GSN: variants seen among roughly 807,000 people sequenced by gnomAD.
GSN encodes the protein actin-depolymerizing factor.
GSN carries 56 observed loss-of-function variants against 85.7 expected under a neutral mutation model. That is an observed-to-expected ratio of 0.65 (90% CI 0.53 to 0.82). The LOEUF is 0.82. GSN is among the 40% of genes least tolerant of loss of function. The pLI is 0.00. For synonymous variants in GSN, 373 were observed against 399.1 expected (o/e 0.93, Z 0.78); for missense variants, 857 against 979.8 (o/e 0.87, Z 1.67).
chr9:121,316,954 G>T, intron 7 of GSN, 132 bp from the exon 8 acceptor site: 2 of 1,076,200 alleles, frequency 1.9e-6, no homozygotes, highest in Non-Finnish European at 2.8e-6. Context: ...ACCTCTAAAT[G>T]TGTGCGAGAG....
intron 2 of GSN, chr9:121,286,128 TC>T (rs1289822760): frequency 1.8e-5 from 28 of 1,534,846 alleles, no homozygotes; most frequent in African/African-American, 4.1e-5. Flanking sequence ...CCCACATAGC[TC>T]CCCCCAGCCT....
intron 5 of GSN, among the ~76,000 whole-genome samples, chr9:121,244,689 T>C (rs1368302486): frequency 6.6e-6 from 1 of 152,162 alleles, no homozygotes; most frequent in Admixed American, 6.5e-5. Flanking sequence ...TTTTAATCGA[T>C]GGAAAACTAA....
At chr9:121,218,994 T>A (rs2132102632) in intron 4 of GSN, among the ~76,000 whole-genome samples, 1 of 152,320 alleles carries the variant, frequency 6.6e-6, no homozygotes, top group East Asian at 1.9e-4. Flanking sequence ...ATTTGGAGGT[T>A]ACCCTACCAG....
intron 6 of GSN, among the ~76,000 whole-genome samples, chr9:121,262,593 C>T (rs1348811983): frequency 6.6e-6 from 1 of 152,166 alleles, no homozygotes; most frequent in Non-Finnish European, 1.5e-5. Context: ...GGCTGGCTAG[C>T]TGGGAAATCC....
intron 4 of GSN, among the ~76,000 whole-genome samples, chr9:121,212,846 G>A (rs1325342747): frequency 6.6e-6 from 1 of 151,702 alleles, no homozygotes; most frequent in Non-Finnish European, 1.5e-5. Flanking sequence ...TAGGGGTTTC[G>A]CCATGTTGGC....
chr9:121,326,706 A>G (rs1194143980), intron 13 of GSN, 24 bp downstream of exon 13: 15 of 1,602,940 alleles, frequency 9.4e-6, no homozygotes, highest in Non-Finnish European at 1.3e-5. Flanking sequence ...CCTGGAACAC[A>G]GAAGGGATTG....
intron 2 of GSN, among the ~76,000 whole-genome samples, chr9:121,287,521 G>A (rs1438303607): frequency 6.6e-6 from 1 of 152,040 alleles, no homozygotes; most frequent in Non-Finnish European, 1.5e-5. Context: ...TGATCCTGCT[G>A]CACACCTGGT....
intron 4 of GSN, among the ~76,000 whole-genome samples, chr9:121,226,005 G>C (rs189760328): frequency 6.6e-6 from 1 of 152,070 alleles, no homozygotes; most frequent in Non-Finnish European, 1.5e-5. Flanking sequence ...GGGTTTCACC[G>C]TATTGGCCAG....
intron 6 of GSN, among the ~76,000 whole-genome samples, chr9:121,258,483 A>C (rs953558628): frequency 2.6e-5 from 4 of 151,814 alleles, no homozygotes; most frequent in Non-Finnish European, 5.9e-5. Flanking sequence ...AAAAAACTAT[A>C]TTGAAGATAT....
At chr9:121,219,122 T>C (rs115348516) in intron 4 of GSN, among the ~76,000 whole-genome samples, 2,600 of 152,260 alleles carry the variant, frequency 0.017, 68 homozygotes, top group African/African-American at 0.06. Flanking sequence ...ATCCACCTGG[T>C]GGGGGCCAAC....
Position 121,302,907 on chromosome 9 carries a change from G to T in GSN, c.197-4G>T, listed in dbSNP as rs375172023. The T allele has an allele frequency of 1.9e-6, 3 of 1,613,510 alleles. No homozygotes were observed. Among genetic ancestry groups the T allele is most frequent in the Non-Finnish European group, 1.7e-6 (2 of 1,179,934 alleles). On this transcript the variant is annotated splice_polypyrimidine_tract_variant and splice_region_variant and intron_variant, in intron 3 of 17. Coordinates refer to ENST00000432226, the MANE Select transcript of GSN (RefSeq NM_198252.3). ...CAGGCTCATATTGCTCTGATGTCCC[G>T]TAGGCAATGAGTGCAGCCAGGATGA...
At chr9:121,325,113 G>A (rs1037497223) in intron 12 of GSN, among the ~76,000 whole-genome samples, 2 of 152,186 alleles carry the variant, frequency 1.3e-5, no homozygotes, top group South Asian at 2.1e-4. Context: ...CAAAATAGGG[G>A]TAATAACAGT....
chr9:121,232,608 A>T (rs1171848306), intron 5 of GSN, among the ~76,000 whole-genome samples: 3 of 152,242 alleles, frequency 2.0e-5, no homozygotes, highest in Non-Finnish European at 4.4e-5. Flanking sequence ...CAAATTTTCA[A>T]GTGTACGATA....
intron 6 of GSN, 76 bp downstream of exon 6, chr9:121,312,564 G>T: frequency 1.7e-6 from 2 of 1,182,720 alleles, no homozygotes; most frequent in Non-Finnish European, 2.3e-6. Flanking sequence ...TAGGCAATTT[G>T]AGGTGAATTT....
intron 4 of GSN, among the ~76,000 whole-genome samples, chr9:121,218,979 C>T (rs1375398523): frequency 6.6e-6 from 1 of 152,200 alleles, no homozygotes; most frequent in African/African-American, 2.4e-5. Context: ...CTGAAATGAT[C>T]TGGTATTTGG....
intron 10 of GSN, 51 bp from the exon 11 acceptor site, chr9:121,321,217 C>G: frequency 6.2e-7 from 1 of 1,607,500 alleles, no homozygotes; most frequent in Non-Finnish European, 8.5e-7. Flanking sequence ...CTTGCCTGAG[C>G]TGGGGGGTGG....
intron 14 of GSN, 55 bp downstream of exon 14, chr9:121,327,537 C>G (rs2063374789): frequency 1.4e-6 from 2 of 1,422,232 alleles, no homozygotes; most frequent in South Asian, 2.6e-5. Context: ...TTAAGTTTCC[C>G]CCTTCTTTCC....
intron 5 of GSN, among the ~76,000 whole-genome samples, chr9:121,246,274 T>A (rs571723802): frequency 7.2e-4 from 109 of 151,986 alleles, no homozygotes; most frequent in African/African-American, 2.1e-3. Context: ...GTTTTTTTTT[T>A]AAAAAGGAGA....
rs770419491 is a variant in GSN, at chr9:121,328,924, C to G, written c.1796C>G (p.Ala599Gly). ...GFWEALGGKA[A>G]YRTSPRLKDK... ...TGGGAGGCCCTGGGCGGGAAGGCTG[C>G]CTACCGCACATCCCCACGGCTGAAG... The change falls in exon 15 of 18, where the codon GCC becomes GGC. Residue 599 changes from alanine (A) to glycine (G), a missense_variant. Transcript: ENST00000432226. 1.2e-6 allele frequency: 2 copies of G among 1,613,256 alleles called. No homozygotes were observed. Among genetic ancestry groups the G allele is most frequent in the South Asian group, 1.1e-5 (1 of 91,084 alleles).
Sources: gnomAD v4.1 joint callset for allele counts (sites outside exome capture counted in the v4.1 genomes callset) on GRCh38, gnomAD v4.1.1 for gene constraint, MANE v1.5 for transcripts, NCBI Gene and HGNC (gene_info 2026-07-23, HGNC 2026-07-21) for gene names.